Variants in GNPTAB observed in about 807,000 individuals in gnomAD.
GNPTAB encodes N-acetylglucosamine-1-phosphate transferase subunits alpha and beta.
In GNPTAB, 92 loss-of-function variants were observed where a neutral mutation model predicts 136.6. That is an observed-to-expected ratio of 0.67 (90% CI 0.57 to 0.80). The LOEUF (loss-of-function observed/expected upper bound fraction) is 0.80, where lower values mean the gene tolerates loss of function less well. Ranked by LOEUF, GNPTAB falls within the 30% of genes least tolerant of loss-of-function variation. The pLI is 0.00. For missense variants in GNPTAB, 1,343 were observed against 1,501.8 expected, an observed-to-expected ratio of 0.89 and a Z score of 1.75; for synonymous variants, 512 against 535.1, an observed-to-expected ratio of 0.96 and a Z score of 0.60.
chr12:101,766,310 A>G lies in GNPTAB; in HGVS notation c.1409-16T>C. ...CCACTGTTTCCTGTAGATCGGAGGA[A>G]GAAGAGGGATTCTTGCTGTAATTAC... On this transcript the variant is annotated splice_polypyrimidine_tract_variant and intron_variant, in intron 11 of 20. Transcript: ENST00000299314. 6.2e-7 allele frequency: 1 copy of G among 1,604,090 alleles called. No homozygotes were observed.
intron 1 of GNPTAB, among the ~76,000 whole-genome samples, chr12:101,810,185 C>T (rs1466366089): frequency 6.6e-6 from 1 of 151,956 alleles, no homozygotes; most frequent in Non-Finnish European, 1.5e-5. Flanking sequence ...GAGTTCAAGG[C>T]TGCAGTGAGC....
intron 1 of GNPTAB, among the ~76,000 whole-genome samples, chr12:101,818,641 T>C (rs1463328265): frequency 6.6e-6 from 1 of 152,076 alleles, no homozygotes; most frequent in Non-Finnish European, 1.5e-5. Context: ...ACTCCCAAAG[T>C]GTTGGGATTA....
At chr12:101,790,887 T>G (rs1868949399) in intron 2 of GNPTAB, among the ~76,000 whole-genome samples, 1 of 151,890 alleles carries the variant, frequency 6.6e-6, no homozygotes, top group Admixed American at 6.6e-5. Context: ...TTTCCTTTTT[T>G]TTTTCACAGC....
chr12:101,758,807 C>T (rs931067964), intron 16 of GNPTAB, among the ~76,000 whole-genome samples: 1 of 152,208 alleles, frequency 6.6e-6, no homozygotes, highest in Admixed American at 6.5e-5. Context: ...ATTATTTATA[C>T]ATGGCTTGAA....
chr12:101,774,468 T>C (rs1290321706), intron 7 of GNPTAB, among the ~76,000 whole-genome samples: 1 of 152,198 alleles, frequency 6.6e-6, no homozygotes, highest in African/African-American at 2.4e-5. Flanking sequence ...AATATGAACA[T>C]ATGTAAGTAT....
At chr12:101,783,931 T>C (rs1056640518) in intron 5 of GNPTAB, among the ~76,000 whole-genome samples, 1 of 151,970 alleles carries the variant, frequency 6.6e-6, no homozygotes, top group African/African-American at 2.4e-5. Flanking sequence ...TTACCAAGTC[T>C]GGTTTTGAAC....
chr12:101,753,442 T>G lies in GNPTAB; in HGVS notation c.3532A>C (p.Ile1178Leu), dbSNP rs770515265. Residue 1178 changes from isoleucine to leucine, a missense_variant, in exon 19 of 21, where the codon ATA becomes CTA. Transcript: ENST00000299314. ...LRDFYESMFP[I>L]PSQFELPREY... ...CTTGGCAGTTCAAATTGGGAAGGTA[T>G]GGGGAACATGGATTCATAGAAGTCC... is the stretch of plus-strand genomic sequence containing the variant. The G allele has an allele frequency of 1.4e-5, 23 of 1,613,708 alleles. No individual in the cohort carries two copies. The South Asian group carries it at 1.5e-4, about 11-fold the overall frequency.
At chr12:101,793,880 T>A (rs1438141399) in intron 2 of GNPTAB, among the ~76,000 whole-genome samples, 1 of 152,236 alleles carries the variant, frequency 6.6e-6, no homozygotes. Flanking sequence ...TCTTGCTCTG[T>A]CGCCCAGGCT....
intron 14 of GNPTAB, 75 bp from the exon 15 acceptor site, chr12:101,761,421 T>C (rs186827857): frequency 1.0e-5 from 15 of 1,491,736 alleles, no homozygotes; most frequent in Non-Finnish European, 1.3e-5. Flanking sequence ...AGAGATGGAC[T>C]TTTTTCTTTC....
chr12:101,785,894 C>A, intron 5 of GNPTAB, 118 bp downstream of exon 5: 1 of 822,654 alleles, frequency 1.2e-6, no homozygotes. Context: ...TCTCTTTGTG[C>A]ATTTTTAGAA....
At chr12:101,786,762 A>C (rs1399814300) in intron 4 of GNPTAB, among the ~76,000 whole-genome samples, 1 of 152,258 alleles carries the variant, frequency 6.6e-6, no homozygotes, top group Non-Finnish European at 1.5e-5. Flanking sequence ...TTACCTGAAT[A>C]AACAAATGGA....
At chr12:101,779,469 G>C (rs1353799884) in intron 7 of GNPTAB, 1 of 153,258 alleles carries the variant, frequency 6.5e-6, no homozygotes. Context: ...TAAGGAAAAG[G>C]CACGTCCCAG....
intron 10 of GNPTAB, among the ~76,000 whole-genome samples, chr12:101,769,596 A>G (rs1457924569): frequency 2.0e-5 from 3 of 151,964 alleles, no homozygotes; most frequent in Non-Finnish European, 1.5e-5. Context: ...ATATCTATAT[A>G]TATTTTTTTA....
intron 2 of GNPTAB, chr12:101,796,046 C>A: frequency 2.0e-6 from 1 of 497,436 alleles, no homozygotes; most frequent in Non-Finnish European, 3.5e-6. Flanking sequence ...GGGAAAGACC[C>A]ACACTAATGA....
intron 6 of GNPTAB, 106 bp from the exon 7 acceptor site, chr12:101,780,392 A>C: frequency 7.8e-7 from 1 of 1,284,040 alleles, no homozygotes; most frequent in Admixed American, 1.8e-5. Context: ...CACAAGCTTC[A>C]AAATATGATT....
At chr12:101,800,813 G>A (rs12579766) in intron 1 of GNPTAB, among the ~76,000 whole-genome samples, 16,687 of 151,568 alleles carry the variant, frequency 0.11, 980 homozygotes, top group Middle Eastern at 0.19. Flanking sequence ...ATAGAAGACA[G>A]CAGCCCTATA....
In GNPTAB at chr12:101,747,382, C is replaced by T. The variant is rs1030306611; in HGVS notation, c.3694-141G>A. ...AAAAAGACAACAAACAAATCTCCAT[C>T]ATTCCTCTTCCAAAACAAAAACAAA... On this transcript the variant is annotated intron_variant, in intron 20 of 20. Coordinates refer to ENST00000299314, the MANE Select transcript of GNPTAB (RefSeq NM_024312.5). 10 of 656,848 alleles carry T rather than the reference C, an allele frequency of 1.5e-5. No individual in the cohort carries two copies. In the East Asian group the frequency reaches 2.5e-4, roughly 16 times the overall value. 40.7% of individuals were successfully genotyped at this position (656,848 alleles called of 1,614,324 possible).
chr12:101,750,553 C>T (rs1312901175), intron 19 of GNPTAB, among the ~76,000 whole-genome samples: 2 of 152,224 alleles, frequency 1.3e-5, no homozygotes, highest in Non-Finnish European at 2.9e-5. Context: ...TCTCAAATTA[C>T]TTTTAAGCCC....
At position 101,768,128 on chromosome 12, in the gene GNPTAB, G is replaced by A. The variant is rs781704040; in HGVS notation, c.1317C>T (p.Ala439=). Reference sequence around the variant, plus strand: ...TAATCCAGGAACCTGGGCAGCCCTCGGCACAGTTTGGCACAGGCCATGTCA... The same window carrying A: ...TAATCCAGGAACCTGGGCAGCCCTCAGCACAGTTTGGCACAGGCCATGTCA... ...VYLTWPVPNC[A]EGCPGSWIKD... is the part of the protein sequence containing the mutation. The change falls in exon 11 of 21, where the codon GCC becomes GCT. Residue 439 remains alanine, a synonymous_variant. Coordinates refer to ENST00000299314, the MANE Select transcript of GNPTAB (RefSeq NM_024312.5). The A allele has an allele frequency of 3.7e-5, 59 of 1,613,892 alleles. No individual in the cohort carries two copies. The highest frequency in any genetic ancestry group is 3.3e-4 in the Middle Eastern group (2 of 6,084).
Sources: allele counts gnomAD v4.1 joint callset (sites outside exome capture counted in the v4.1 genomes callset), GRCh38; gene constraint gnomAD v4.1.1; transcripts MANE v1.5; gene names NCBI Gene and HGNC (gene_info 2026-07-23, HGNC 2026-07-21).